Variants in EPB41L2 observed in about 807,000 individuals in gnomAD.
The protein encoded by EPB41L2 is band 4.1-like protein 2.
EPB41L2 carries 43 observed loss-of-function variants against 113.0 expected under a neutral mutation model. That is an observed-to-expected ratio of 0.38 (90% confidence interval 0.30 to 0.49). The LOEUF (loss-of-function observed/expected upper bound fraction) is 0.49, where lower values mean the gene tolerates loss of function less well. Among genes scored for constraint, EPB41L2 ranks in the 20% least tolerant of loss-of-function variants. EPB41L2 has a pLI of 0.95. For synonymous variants in EPB41L2, 442 were observed against 436.7 expected (o/e 1.01, Z -0.15); for missense variants, 1,147 against 1,223.4 (o/e 0.94, Z 0.93).
At chr6:130,915,263 A>ACTGCACTC (rs1207360536) in intron 4 of EPB41L2, among the ~76,000 whole-genome samples, 1 of 152,178 alleles carries the variant, frequency 6.6e-6, no homozygotes, top group Non-Finnish European at 1.5e-5. Flanking sequence ...AGATCCCGCC[A>ACTGCACTC]CTGCACTCCA....
intron 10 of EPB41L2, among the ~76,000 whole-genome samples, chr6:130,891,695 G>A (rs1004279452): frequency 1.5e-4 from 23 of 152,004 alleles, no homozygotes; most frequent in African/African-American, 3.6e-4. Flanking sequence ...TGATCCACCC[G>A]CCTCAGCCTC....
Position 130,865,442 on chromosome 6 carries a change from A to T in EPB41L2, c.2829+94T>A, listed in dbSNP as rs577923575. The T allele has an allele frequency of 2.7e-5, 34 of 1,238,308 alleles. No homozygotes were observed. The South Asian group carries it at 3.6e-4, about 13-fold the overall frequency. 76.7% of individuals were successfully genotyped at this position (1,238,308 alleles called of 1,614,324 possible). A position where few individuals can be genotyped will look rare whatever the true frequency, so the allele number is the denominator to read the frequency against. On this transcript the variant is annotated intron_variant, in intron 17 of 19. Coordinates refer to ENST00000337057, the MANE Select transcript of EPB41L2 (RefSeq NM_001431.4). ...ATTCCGCTGGCACTGTCTGTATCTT[A>T]CTTGGAAGTGTGTACAGGAAGAGAG...
chr6:130,874,192 A>G (rs1786715717), intron 14 of EPB41L2, among the ~76,000 whole-genome samples: 1 of 152,158 alleles, frequency 6.6e-6, no homozygotes, highest in Non-Finnish European at 1.5e-5. Flanking sequence ...AGATTAAATG[A>G]CTTGGTTTCC....
At chr6:131,024,750 C>A (rs2128744038) in intron 1 of EPB41L2, among the ~76,000 whole-genome samples, 1 of 152,234 alleles carries the variant, frequency 6.6e-6, no homozygotes, top group Non-Finnish European at 1.5e-5. Flanking sequence ...CGTAGACTAC[C>A]CTGTCCCAAC....
At chr6:130,968,250 C>T (rs1775849147) in intron 1 of EPB41L2, among the ~76,000 whole-genome samples, 1 of 152,262 alleles carries the variant, frequency 6.6e-6, no homozygotes, top group South Asian at 2.1e-4. Flanking sequence ...GCAGACGCTG[C>T]ATTTTAATAG....
At chr6:130,985,458 G>T (rs574732816) in intron 1 of EPB41L2, among the ~76,000 whole-genome samples, 2 of 152,132 alleles carry the variant, frequency 1.3e-5, no homozygotes, top group Non-Finnish European at 2.9e-5. Flanking sequence ...GAACCAGTGC[G>T]TGGGACAAGA....
intron 1 of EPB41L2, among the ~76,000 whole-genome samples, chr6:130,998,302 C>A (rs994395859): frequency 1.3e-5 from 2 of 152,110 alleles, no homozygotes; most frequent in Non-Finnish European, 2.9e-5. Context: ...AGGACAAATT[C>A]TTTTCAAAAA....
At chr6:130,885,353 C>T in intron 11 of EPB41L2, 85 bp from the exon 12 acceptor site, 1 of 1,299,784 alleles carries the variant, frequency 7.7e-7, no homozygotes, top group South Asian at 1.2e-5. Context: ...AGGAGATAAA[C>T]AGGCAGCATA....
At chr6:131,025,577 T>C (rs1562757810) in intron 1 of EPB41L2, among the ~76,000 whole-genome samples, 1 of 152,168 alleles carries the variant, frequency 6.6e-6, no homozygotes, top group Admixed American at 6.5e-5. Flanking sequence ...AAATTAATCA[T>C]CTTCCCACAA....
intron 1 of EPB41L2, among the ~76,000 whole-genome samples, chr6:130,990,151 C>T (rs1417824333): frequency 6.6e-6 from 1 of 152,066 alleles, no homozygotes; most frequent in Non-Finnish European, 1.5e-5. Flanking sequence ...CGAAACCCTG[C>T]CTCTACTGAA....
intron 1 of EPB41L2, among the ~76,000 whole-genome samples, chr6:130,993,317 T>C (rs1782312388): frequency 6.6e-6 from 1 of 152,150 alleles, no homozygotes. Flanking sequence ...GGCTTCCTTG[T>C]CCCAGGGAAA....
intron 19 of EPB41L2, 142 bp from the exon 20 acceptor site, chr6:130,840,740 T>C (rs1026224163): frequency 1.3e-5 from 2 of 152,034 alleles, no homozygotes; most frequent in Admixed American, 6.6e-5. Flanking sequence ...TTAAATAGTA[T>C]GTTTACCAGA....
rs181913463 is a variant in EPB41L2 at position 131,045,927 on chromosome 6, C to T, written c.-15+17228G>A. Among the ~76,000 whole-genome samples the T allele has an allele frequency of 5.4e-5, 8 of 148,788 alleles. No individual in the cohort carries two copies. In the South Asian group the frequency reaches 1.3e-3, roughly 24 times the overall value. Reference sequence around the variant, plus strand: ...TTATCAAATGTTTTGCCAAGATCTACGCCTATATTTTTCTTTCTCTCTTTT... The same window carrying T: ...TTATCAAATGTTTTGCCAAGATCTATGCCTATATTTTTCTTTCTCTCTTTT... On this transcript the variant is annotated intron_variant, in intron 1 of 19. Transcript: ENST00000337057.
At chr6:131,049,532 T>G (rs1158309402) in intron 1 of EPB41L2, among the ~76,000 whole-genome samples, 3 of 152,200 alleles carry the variant, frequency 2.0e-5, no homozygotes, top group Admixed American at 2.0e-4. Flanking sequence ...CTTAGTAGCT[T>G]TTCTACCAGA....
chr6:130,990,450 T>C (rs1400879178), intron 1 of EPB41L2, among the ~76,000 whole-genome samples: 1 of 152,072 alleles, frequency 6.6e-6, no homozygotes, highest in African/African-American at 2.4e-5. Flanking sequence ...AAGATGGTAC[T>C]CAAATATATC....
intron 5 of EPB41L2, among the ~76,000 whole-genome samples, 166 bp downstream of exon 5, chr6:130,908,655 A>T (rs1798431965): frequency 6.6e-6 from 1 of 152,202 alleles, no homozygotes; most frequent in Non-Finnish European, 1.5e-5. Context: ...GGAGCACCTG[A>T]GCCATGTACG....
chr6:130,908,635 C>T (rs1488940382), intron 5 of EPB41L2, among the ~76,000 whole-genome samples, 186 bp downstream of exon 5: 1 of 152,076 alleles, frequency 6.6e-6, no homozygotes, highest in Non-Finnish European at 1.5e-5. Context: ...CTAGAACCTT[C>T]CCAAAAGTAG....
intron 19 of EPB41L2, among the ~76,000 whole-genome samples, chr6:130,843,092 T>C (rs370981183): frequency 2.6e-5 from 4 of 152,358 alleles, no homozygotes; most frequent in African/African-American, 9.6e-5. Flanking sequence ...TAACTTATTG[T>C]ACGAAGACTT....
intron 19 of EPB41L2, among the ~76,000 whole-genome samples, chr6:130,853,202 T>A (rs1779257487): frequency 6.6e-6 from 1 of 152,226 alleles, no homozygotes; most frequent in Admixed American, 6.5e-5. Context: ...TCCTCTGTCG[T>A]TTCATCCTTC....
Sources: gnomAD v4.1 joint callset for allele counts (sites outside exome capture counted in the v4.1 genomes callset) on GRCh38, gnomAD v4.1.1 for gene constraint, MANE v1.5 for transcripts, NCBI Gene and HGNC (gene_info 2026-07-23, HGNC 2026-07-21) for gene names.